The following ME3 variants were observed in gnomAD, a reference collection of about 807,000 sequenced individuals.
The protein encoded by ME3 is malic enzyme 3.
Under a neutral mutation model 68.9 loss-of-function variants are expected in ME3, and 48 were observed. The observed-to-expected ratio is 0.70, with a 90% CI of 0.55 to 0.89. The LOEUF (loss-of-function observed/expected upper bound fraction) is 0.89, where lower values mean the gene tolerates loss of function less well. Ranked by LOEUF, ME3 falls within the 40% of genes least tolerant of loss-of-function variation. The pLI is 0.00. For synonymous variants in ME3, 320 were observed against 318.8 expected, an observed-to-expected ratio of 1.00 and a Z score of -0.04; for missense variants, 675 against 797.4, an observed-to-expected ratio of 0.85 and a Z score of 1.85.
intron 2 of ME3, among the ~76,000 whole-genome samples, chr11:86,640,313 G>T (rs1487861850): frequency 6.6e-6 from 1 of 152,180 alleles, no homozygotes; most frequent in African/African-American, 2.4e-5. Context: ...AGTATTGAAA[G>T]AAGGAGAATA....
intron 2 of ME3, among the ~76,000 whole-genome samples, chr11:86,591,095 C>T (rs1011202509): frequency 6.6e-6 from 1 of 152,152 alleles, no homozygotes; most frequent in Non-Finnish European, 1.5e-5. Context: ...CATTTATGTT[C>T]CTAAGCACTG....
intron 4 of ME3, among the ~76,000 whole-genome samples, chr11:86,536,339 T>A (rs2139311384): frequency 6.9e-6 from 1 of 144,802 alleles, no homozygotes; most frequent in Non-Finnish European, 1.5e-5. Flanking sequence ...ACCATCAGAG[T>A]GAACAGGCAA....
intron 7 of ME3, among the ~76,000 whole-genome samples, chr11:86,470,478 C>T (rs1015507183): frequency 5.3e-5 from 8 of 152,088 alleles, no homozygotes; most frequent in African/African-American, 1.9e-4. Flanking sequence ...AACTCTAGTC[C>T]CTTGAGATGG....
At chr11:86,615,790 G>A (rs1395133884) in intron 2 of ME3, among the ~76,000 whole-genome samples, 1 of 152,160 alleles carries the variant, frequency 6.6e-6, no homozygotes, top group East Asian at 1.9e-4. Flanking sequence ...GGGACAGAGT[G>A]AAACCTAAGT....
intron 4 of ME3, among the ~76,000 whole-genome samples, chr11:86,509,949 T>C (rs893635752): frequency 1.3e-5 from 2 of 152,152 alleles, no homozygotes; most frequent in African/African-American, 4.8e-5. Flanking sequence ...TTGAAGTCCA[T>C]TGTAATATTC....
At chr11:86,649,854 C>T (rs1040902971) in intron 2 of ME3, among the ~76,000 whole-genome samples, 10 of 152,128 alleles carry the variant, frequency 6.6e-5, no homozygotes, top group African/African-American at 2.4e-4. Context: ...TGGACAGGAA[C>T]AATCAATATT....
intron 8 of ME3, chr11:86,462,664 C>G (rs554852701): frequency 1.4e-5 from 16 of 1,175,792 alleles, no homozygotes; most frequent in Non-Finnish European, 1.8e-5. Flanking sequence ...ATGTAGCAGG[C>G]GCGGTGCTGG....
intron 4 of ME3, among the ~76,000 whole-genome samples, chr11:86,517,336 CCAGTGTGAGG>C (rs1404933014): frequency 2.0e-5 from 3 of 152,140 alleles, no homozygotes; most frequent in African/African-American, 7.2e-5. Flanking sequence ...TAGCCTGCAT[CCAGTGTGAGG>C]GTGACATAGA....
At chr11:86,541,295 G>A (rs1173740678) in intron 4 of ME3, among the ~76,000 whole-genome samples, 1 of 152,004 alleles carries the variant, frequency 6.6e-6, no homozygotes, top group Non-Finnish European at 1.5e-5. Flanking sequence ...ACCAGTGAGA[G>A]AACCGTTCAC....
chr11:86,559,563 G>T (rs1252172454), intron 3 of ME3, 127 bp downstream of exon 3: 4 of 1,188,018 alleles, frequency 3.4e-6, no homozygotes, highest in Admixed American at 2.3e-5. Context: ...GTAGGGCTGA[G>T]TCTGGGATCT....
chr11:86,654,548 C>G (rs548876541), intron 2 of ME3, among the ~76,000 whole-genome samples: 39 of 152,304 alleles, frequency 2.6e-4, no homozygotes, highest in African/African-American at 7.9e-4. Context: ...ATTCAACAAC[C>G]CTTCATGCTG....
At chr11:86,586,852 C>A (rs548571947) in intron 2 of ME3, among the ~76,000 whole-genome samples, 1 of 152,058 alleles carries the variant, frequency 6.6e-6, no homozygotes, top group East Asian at 1.9e-4. Context: ...TTGGATGAAG[C>A]AGTCACTCAG....
chr11:86,482,432 G>T (rs2138887284), intron 7 of ME3, among the ~76,000 whole-genome samples: 1 of 152,124 alleles, frequency 6.6e-6, no homozygotes, highest in East Asian at 1.9e-4. Context: ...GTGTAACTGA[G>T]TTATTCTTTT....
chr11:86,442,764 G>A, intron 14 of ME3, 57 bp downstream of exon 14: 1 of 1,427,774 alleles, frequency 7.0e-7, no homozygotes. Flanking sequence ...TAAAGTCACA[G>A]ACAGAGAAAG....
At chr11:86,561,292 C>T (rs1378733338) in intron 2 of ME3, among the ~76,000 whole-genome samples, 1 of 152,112 alleles carries the variant, frequency 6.6e-6, no homozygotes, top group Non-Finnish European at 1.5e-5. Flanking sequence ...CATTGCCAGC[C>T]GTGGTCCTAG....
At position 86,513,094 on chromosome 11, in the gene ME3, C is replaced by G. The variant is rs533992148; in HGVS notation, c.468-4227G>C. On this transcript the variant is annotated intron_variant, in intron 4 of 14. Coordinates refer to ENST00000543262, the Ensembl canonical transcript of ME3. ...CACTATTTTAGACCTTACCAAAGCT[C>G]TGGTGTGGTTAAACACAGGATAGGT... Among the ~76,000 whole-genome samples, 41 of 152,278 alleles carry G rather than the reference C, an allele frequency of 2.7e-4. No individual in the cohort carries two copies. The South Asian group carries it at 6.8e-3, about 25-fold the overall frequency.
At chr11:86,462,523 CAGAG>C in intron 8 of ME3, 1 of 1,193,306 alleles carries the variant, frequency 8.4e-7, no homozygotes, top group South Asian at 1.6e-5. Flanking sequence ...ACCTGGATAA[CAGAG>C]AGGCTGCAGG....
chr11:86,538,417 T>C (rs1955830696), intron 4 of ME3, among the ~76,000 whole-genome samples: 1 of 152,194 alleles, frequency 6.6e-6, no homozygotes, highest in Non-Finnish European at 1.5e-5. Context: ...TATTATCTTT[T>C]ACTGAGTACT....
chr11:86,492,944 C>T (rs989152840), intron 6 of ME3, among the ~76,000 whole-genome samples: 15 of 152,284 alleles, frequency 9.9e-5, no homozygotes, highest in African/African-American at 2.2e-4. Flanking sequence ...ATTGGGTTCA[C>T]GCTGTGGGCA....
Sources: gnomAD v4.1 joint callset for allele counts (sites outside exome capture counted in the v4.1 genomes callset) on GRCh38, gnomAD v4.1.1 for gene constraint, MANE v1.5 for transcripts, NCBI Gene and HGNC (gene_info 2026-07-23, HGNC 2026-07-21) for gene names.